Variants in MAGED1 observed in about 807,000 individuals in gnomAD.
The protein encoded by MAGED1 is MAGE family member D1, also known as melanoma-associated antigen D1.
In MAGED1, 3 loss-of-function variants were observed where a neutral mutation model predicts 54.1. That is an observed-to-expected ratio of 0.06 (90% CI 0.03 to 0.14). The LOEUF (loss-of-function observed/expected upper bound fraction) is 0.14, where lower values mean the gene tolerates loss of function less well. MAGED1 is among the 10% of genes least tolerant of loss of function. MAGED1 has a pLI of 1.00. For synonymous variants in MAGED1, 217 were observed against 227.3 expected (o/e 0.95, Z 0.41); for missense variants, 485 against 623.4 (o/e 0.78, Z 2.36).
At chrX:51,884,325 G>A (rs1179770460) in intron 1 of MAGED1, among the ~76,000 whole-genome samples, 1 of 111,704 alleles carries the variant, frequency 9.0e-6, no homozygotes, top group African/African-American at 3.3e-5. Context: ...TCTCTCATTA[G>A]ATACCATAGA....
chrX:51,830,727 T>C (rs1004489611), intron 1 of MAGED1, among the ~76,000 whole-genome samples: 13 of 111,568 alleles, frequency 1.2e-4, no homozygotes, highest in African/African-American at 4.2e-4. Context: ...AGGACCCAGC[T>C]TGTGAGGAGT....
At chrX:51,846,716 A>T (rs1460352993) in intron 1 of MAGED1, among the ~76,000 whole-genome samples, 1 of 111,003 alleles carries the variant, frequency 9.0e-6, no homozygotes, top group African/African-American at 3.3e-5. Context: ...GAGCAGGTGG[A>T]AGAGAGAGAG....
intron 1 of MAGED1, among the ~76,000 whole-genome samples, chrX:51,807,178 C>T (rs1010896398): frequency 9.0e-6 from 1 of 111,714 alleles, no homozygotes; most frequent in Non-Finnish European, 1.9e-5. Context: ...TGGTATCTCA[C>T]TGTGGTTTTA....
At chrX:51,815,349 G>A (rs1432021580) in intron 1 of MAGED1, among the ~76,000 whole-genome samples, 1 of 110,816 alleles carries the variant, frequency 9.0e-6, no homozygotes, top group Non-Finnish European at 1.9e-5. Flanking sequence ...AAGAACTTCC[G>A]GTGGGACAAG....
At chrX:51,813,614 C>T (rs1024546524) in intron 1 of MAGED1, among the ~76,000 whole-genome samples, 1 of 112,044 alleles carries the variant, frequency 8.9e-6, no homozygotes, top group African/African-American at 3.2e-5. Flanking sequence ...TTCATACCCT[C>T]TTTGTGTGTG....
upstream of MAGED1, among the ~76,000 whole-genome samples, chrX:51,889,518 C>T (rs781871504): frequency 1.9e-5 from 2 of 104,859 alleles, no homozygotes; most frequent in East Asian, 6.0e-4. Flanking sequence ...ATCCCAGTTA[C>T]TCGGGAGGCT....
intron 1 of MAGED1, among the ~76,000 whole-genome samples, chrX:51,813,090 C>T: frequency 3.0e-5 from 3 of 101,218 alleles, no homozygotes; most frequent in Middle Eastern, 5.8e-3. Context: ...ATGGTGCCAT[C>T]TCAGCTCACC....
In MAGED1 at chrX:51,900,286, T is replaced by C; in HGVS notation, c.1949T>C (p.Phe650Ser). 8.3e-7 allele frequency: 1 copy of C among 1,198,912 alleles called. No homozygotes were observed. Among genetic ancestry groups the C allele is most frequent in the African/African-American group, 1.7e-5 (1 of 57,329 alleles). Residue 650 changes from phenylalanine to serine, a missense_variant, in exon 11 of 13, where the codon TTC (phenylalanine) becomes TCC (serine). Physicochemically the swap from Phe to Ser is radical, Grantham distance 155. Transcript: ENST00000326587. ...ACTAGCAAGATGAAAGTGCTGAGAT[T>C]CATTGCAGAGGTAATGGAGGAACTG... ...HETSKMKVLR[F>S]IAEVQKRDPR... is the part of the protein sequence containing the mutation.
chrX:51,836,705 G>A (rs2146967742), intron 1 of MAGED1, among the ~76,000 whole-genome samples: 1 of 109,335 alleles, frequency 9.1e-6, no homozygotes, highest in South Asian at 4.1e-4. Context: ...CGAGTAGCTG[G>A]GACTACAGGC....
intron 1 of MAGED1, among the ~76,000 whole-genome samples, chrX:51,817,657 G>A (rs1222361413): frequency 1.8e-5 from 2 of 111,843 alleles, no homozygotes; most frequent in African/African-American, 3.3e-5. Flanking sequence ...AGATGTACAG[G>A]TGTGATGTTA....
At chrX:51,849,822 C>T (rs1333900425) in intron 1 of MAGED1, among the ~76,000 whole-genome samples, 7 of 111,762 alleles carry the variant, frequency 6.3e-5, no homozygotes, top group African/African-American at 1.6e-4. Context: ...TGAAATGTCA[C>T]AAAGTGTTTT....
chrX:51,837,965 A>G (rs1926312745), intron 1 of MAGED1, among the ~76,000 whole-genome samples: 1 of 112,805 alleles, frequency 8.9e-6, no homozygotes, highest in African/African-American at 3.2e-5. Context: ...ATGCCAGCCA[A>G]GTAACCACTA....
At chrX:51,845,671 A>C (rs1197674235) in intron 1 of MAGED1, among the ~76,000 whole-genome samples, 2 of 111,937 alleles carry the variant, frequency 1.8e-5, no homozygotes, top group African/African-American at 6.5e-5. Context: ...TTTTGAGCTG[A>C]TGAGACTTAC....
intron 1 of MAGED1, among the ~76,000 whole-genome samples, chrX:51,860,441 A>T (rs1311547276): frequency 1.8e-5 from 2 of 111,493 alleles, no homozygotes; most frequent in Non-Finnish European, 3.8e-5. Flanking sequence ...GACTAGATAT[A>T]GGGGGACTGA....
intron 12 of MAGED1, 56 bp from the exon 13 acceptor site, chrX:51,902,090 C>T (rs1929052747): frequency 6.3e-6 from 3 of 478,473 alleles, no homozygotes; most frequent in Non-Finnish European, 9.7e-6. Flanking sequence ...ATGTATATTC[C>T]TTATTATTTG....
intron 1 of MAGED1, among the ~76,000 whole-genome samples, chrX:51,819,643 A>G (rs1229088320): frequency 9.0e-6 from 1 of 110,834 alleles, no homozygotes; most frequent in Admixed American, 9.7e-5. Flanking sequence ...TTTTTAAATT[A>G]CATTATTTAT....
chrX:51,869,542 A>G (rs1260949137), intron 1 of MAGED1, among the ~76,000 whole-genome samples: 28 of 111,042 alleles, frequency 2.5e-4, no homozygotes, highest in African/African-American at 9.2e-4. Context: ...CTCCATTTTT[A>G]TGATTTTTTT....
chrX:51,882,333 A>G (rs1244805590), intron 1 of MAGED1, among the ~76,000 whole-genome samples: 1 of 111,921 alleles, frequency 8.9e-6, no homozygotes, highest in Non-Finnish European at 1.9e-5. Context: ...ATCACAATAG[A>G]TTTTTAAAAA....
chrX:51,894,915 C>A, intron 2 of MAGED1, 138 bp from the exon 3 acceptor site: 1 of 912,209 alleles, frequency 1.1e-6, no homozygotes, highest in Non-Finnish European at 1.5e-6. Flanking sequence ...CCCTAGATCT[C>A]TGCCTCAGCC....
Sources: gnomAD v4.1 joint callset for allele counts (sites outside exome capture counted in the v4.1 genomes callset) on GRCh38, gnomAD v4.1.1 for gene constraint, MANE v1.5 for transcripts, NCBI Gene and HGNC (gene_info 2026-07-23, HGNC 2026-07-21) for gene names.